DGKH: variants seen among roughly 807,000 people sequenced by gnomAD.
The protein encoded by DGKH is DAG kinase eta.
A neutral mutation model predicts 159.3 loss-of-function variants in DGKH; 90 were observed. The observed-to-expected ratio is 0.57, with a 90% CI of 0.48 to 0.67. The LOEUF is 0.67. Ranked by LOEUF, DGKH falls within the 30% of genes least tolerant of loss-of-function variation. DGKH has a pLI of 0.00. For synonymous variants in DGKH, 536 were observed against 553.8 expected (o/e 0.97, Z 0.45); for missense variants, 1,181 against 1,506.1 (o/e 0.78, Z 3.57).
chr13:42,151,531 GTATATATA>G (rs146776372), intron 3 of DGKH, among the ~76,000 whole-genome samples: 2 of 98,094 alleles, frequency 2.0e-5, no homozygotes, highest in African/African-American at 7.2e-5. Context: ...ATATACACGT[GTATATATA>G]TATATACACG....
chr13:42,190,556 A>C, intron 16 of DGKH, 31 bp downstream of exon 16: 1 of 1,557,494 alleles, frequency 6.4e-7, no homozygotes, highest in South Asian at 1.2e-5. Flanking sequence ...TTATTTTGGA[A>C]TTAAATAAAA....
rs55668821 is a variant in DGKH at position 42,207,695 on chromosome 13, GTA to G, written c.2602-1244_2602-1243del. Among the ~76,000 whole-genome samples, 56 of 140,282 alleles carry G rather than the reference GTA, an allele frequency of 4.0e-4. No individual in the cohort carries two copies. The South Asian group carries it at 5.1e-3, about 13-fold the overall frequency. 92.0% of individuals were successfully genotyped at this position (140,282 alleles called of 152,430 possible). A position where few individuals can be genotyped will look rare whatever the true frequency, so the allele number is the denominator to read the frequency against. Reference sequence around the variant, plus strand: ...AGAGAGGGCACAATTATTAAAGTGTGTATATATATATATATATATATCAGTAA... The same window carrying G: ...AGAGAGGGCACAATTATTAAAGTGTGTATATATATATATATATATCAGTAA... On this transcript the variant is annotated intron_variant, in intron 21 of 29. Transcript: ENST00000337343.
chr13:42,140,165 T>A (rs991703263), intron 3 of DGKH, among the ~76,000 whole-genome samples: 2 of 152,182 alleles, frequency 1.3e-5, no homozygotes, highest in African/African-American at 4.8e-5. Flanking sequence ...TATCCATGTT[T>A]TATGAAGCTG....
At chr13:42,052,484 A>C (rs1342203158) in intron 1 of DGKH, among the ~76,000 whole-genome samples, 2 of 152,226 alleles carry the variant, frequency 1.3e-5, no homozygotes, top group East Asian at 3.8e-4. Context: ...TATGTACAAA[A>C]GTGAAAGTGG....
At chr13:42,176,461 G>C (rs1956605732) in intron 12 of DGKH, among the ~76,000 whole-genome samples, 1 of 152,158 alleles carries the variant, frequency 6.6e-6, no homozygotes, top group African/African-American at 2.4e-5. Context: ...AACATCTTGT[G>C]TAACTTGGGA....
chr13:42,180,481 G>A lies in DGKH; in HGVS notation c.1538+2261G>A, dbSNP rs144883401. On this transcript the variant is annotated intron_variant, in intron 13 of 29. Coordinates refer to ENST00000337343, the MANE Select transcript of DGKH (RefSeq NM_178009.5). ...ATGGAACTGCTAGGATAATTAAGCT[G>A]AGTAATATAATAAGTATAGAGCTTA... Among the ~76,000 whole-genome samples, 27 of 152,350 alleles carry A rather than the reference G, an allele frequency of 1.8e-4. No individual in the cohort carries two copies. In the East Asian group the frequency reaches 5.2e-3, roughly 29 times the overall value.
intron 1 of DGKH, among the ~76,000 whole-genome samples, chr13:42,078,909 CTTT>C (rs55801562): frequency 1.4e-4 from 13 of 93,570 alleles, no homozygotes; most frequent in African/African-American, 4.9e-5. Flanking sequence ...GTATATTCTC[CTTT>C]TTTTTTTTTT....
chr13:42,049,649 G>T (rs1413527284), intron 1 of DGKH, among the ~76,000 whole-genome samples: 1 of 152,228 alleles, frequency 6.6e-6, no homozygotes, highest in African/African-American at 2.4e-5. Flanking sequence ...TCGTGTCGCA[G>T]GTTCCCGCCA....
chr13:42,255,961 T>G, intron 30 of DGKH: 1 of 1,610,170 alleles, frequency 6.2e-7, no homozygotes, highest in East Asian at 2.2e-5. Context: ...CTCATGACGC[T>G]CTGGTTGAGC....
chr13:42,210,692 G>GCCATTGACTT lies in DGKH; in HGVS notation c.2942_2951dup (p.Leu984PhefsTer3). ...CCGAACCCATTTGTACATCCATCAC[G>GCCATTGACTT]CCATTGACTTGGCAACAGAAGAGGT... On this transcript the variant is annotated frameshift_variant, in exon 24 of 30. Coordinates refer to ENST00000337343, the MANE Select transcript of DGKH (RefSeq NM_178009.5). LOFTEE classifies it high-confidence loss of function. The GCCATTGACTT allele has an allele frequency of 6.2e-7, 1 of 1,612,138 alleles. No homozygotes were observed. The highest frequency in any genetic ancestry group is 8.5e-7 in the Non-Finnish European group (1 of 1,179,948).
At chr13:42,057,507 A>G (rs1800491189) in intron 1 of DGKH, among the ~76,000 whole-genome samples, 1 of 152,308 alleles carries the variant, frequency 6.6e-6, no homozygotes, top group Admixed American at 6.5e-5. Flanking sequence ...ATATCTCTGT[A>G]GTTTGTGAAG....
chr13:42,048,368 C>T (rs866968634), upstream of DGKH, among the ~76,000 whole-genome samples: 6 of 152,194 alleles, frequency 3.9e-5, no homozygotes, highest in South Asian at 1.0e-3. The surrounding 1 kb of genome is among the most constrained non-coding windows in gnomAD (Gnocchi z 6.7). Context: ...ACGGGGTGGG[C>T]TGCAGAGGTT....
Position 42,239,628 on chromosome 13 carries a change from G to A in DGKH, c.*10440G>A, listed in dbSNP as rs1958480686. On this transcript the variant is annotated 3_prime_UTR_variant, in exon 30 of 30. Coordinates refer to ENST00000337343, the MANE Select transcript of DGKH (RefSeq NM_178009.5). ...CAAACCCTCACCATTTTTCACTCCT[G>A]TGCTTTTGCCATAGGTTTTTTTTTG... The A allele has an allele frequency of 6.6e-6, 1 of 152,372 alleles. No homozygotes were observed. Among genetic ancestry groups the A allele is most frequent in the African/African-American group, 2.4e-5 (1 of 41,392 alleles). 9.4% of individuals were successfully genotyped at this position (152,372 alleles called of 1,614,324 possible).
intron 29 of DGKH, among the ~76,000 whole-genome samples, chr13:42,228,621 G>A (rs182944835): frequency 6.8e-6 from 1 of 147,280 alleles, no homozygotes; most frequent in Admixed American, 6.8e-5. Context: ...AGAGAGAGAG[G>A]GAGAGAGAGA....
chr13:42,088,581 T>G (rs1260673441), intron 1 of DGKH, among the ~76,000 whole-genome samples: 6 of 151,984 alleles, frequency 3.9e-5, no homozygotes, highest in Admixed American at 3.9e-4. Context: ...TAAAGATGGA[T>G]ATAGTAAACC....
chr13:42,089,175 T>G (rs1369448187), intron 1 of DGKH, among the ~76,000 whole-genome samples: 5 of 152,170 alleles, frequency 3.3e-5, no homozygotes, highest in Admixed American at 2.6e-4. Flanking sequence ...TTTGGAAATT[T>G]CAGCACCCTT....
chr13:42,049,093 AGGCGG>A (rs1881034251), intron 1 of DGKH, 128 bp downstream of exon 1: 1 of 189,176 alleles, frequency 5.3e-6, no homozygotes, highest in Non-Finnish European at 7.3e-6. Context: ...AAGGCGGGGA[AGGCGG>A]GGAAGGCGGG....
intron 8 of DGKH, 85 bp from the exon 9 acceptor site, chr13:42,166,430 A>G: frequency 8.0e-7 from 1 of 1,252,098 alleles, no homozygotes. Context: ...GTTTTTATGA[A>G]TTTATTTTCT....
chr13:42,053,400 G>A (rs992579500), intron 1 of DGKH, among the ~76,000 whole-genome samples: 2 of 145,838 alleles, frequency 1.4e-5, no homozygotes, highest in Non-Finnish European at 3.0e-5. Context: ...ATATGTAACT[G>A]TATATATATA....
Sources: gnomAD v4.1 joint callset for allele counts (sites outside exome capture counted in the v4.1 genomes callset) on GRCh38, gnomAD v4.1.1 for gene constraint, Gnocchi (gnomAD v3.1) non-coding constraint, MANE v1.5 for transcripts, NCBI Gene and HGNC (gene_info 2026-07-23, HGNC 2026-07-21) for gene names.